Variants in SHLD3 observed in about 807,000 individuals in gnomAD.
The protein encoded by SHLD3 is shieldin complex subunit 3, also known as REV7-interacting novel NHEJ regulator 1.
In SHLD3, 15 loss-of-function variants were observed where a neutral mutation model predicts 21.4. That is an observed-to-expected ratio of 0.70 (90% CI 0.47 to 1.08). SHLD3 has a LOEUF of 1.08. Ranked by LOEUF, SHLD3 falls within the 50% of genes least tolerant of loss-of-function variation. SHLD3 has a pLI of 0.00. For synonymous variants in SHLD3, 103 were observed against 97.2 expected, an observed-to-expected ratio of 1.06 and a Z score of -0.35; for missense variants, 273 against 286.1, an observed-to-expected ratio of 0.95 and a Z score of 0.33.
rs1201523667 is a variant in SHLD3 at position 65,628,584 on chromosome 5, C to T, written c.-120-884C>T. Among the ~76,000 whole-genome samples the T allele has an allele frequency of 3.3e-5, 5 of 151,574 alleles. No homozygotes were observed. The East Asian group carries it at 9.7e-4, about 29-fold the overall frequency. On this transcript the variant is annotated intron_variant, in intron 1 of 1. Coordinates refer to ENST00000510585, the MANE Select transcript of SHLD3 (RefSeq NM_001365341.2). ...CCTCCCGGGTTCAAGCGATTCTCCT[C>T]CCTCAGCCTCCTGAGTAGCTGGGAT...
chr5:65,627,150 A>AAAAAAAAAAAAAAAAAAAAAAAAC (rs1755279062), intron 1 of SHLD3, among the ~76,000 whole-genome samples: 1 of 149,914 alleles, frequency 6.7e-6, no homozygotes, highest in Non-Finnish European at 1.5e-5. Flanking sequence ...AAAAAAAAAA[A>AAAAAAAAAAAAAAAAAAAAAAAAC]AAAAAAAGAA....
intron 1 of SHLD3, among the ~76,000 whole-genome samples, chr5:65,629,005 A>G (rs1755395615): frequency 6.6e-6 from 1 of 152,044 alleles, no homozygotes; most frequent in Non-Finnish European, 1.5e-5. Flanking sequence ...TATTTTGAGT[A>G]GAGATGGGTT....
chr5:65,625,176 A>T, intron 1 of SHLD3, 70 bp downstream of exon 1: 1 of 1,302,940 alleles, frequency 7.7e-7, no homozygotes, highest in Non-Finnish European at 1.1e-6. Context: ...AGCCTTTGCC[A>T]TGTAGGCCTC....
At chr5:65,629,376 GGTTTTTGTTTTTT>G in intron 1 of SHLD3, 79 bp from the exon 2 acceptor site, 9 of 939,288 alleles carry the variant, frequency 9.6e-6, no homozygotes, top group African/African-American at 1.7e-5. Flanking sequence ...CATTGGGATT[GGTTTTTGTTTTTT>G]GTTTTTCCTT....
intron 1 of SHLD3, among the ~76,000 whole-genome samples, chr5:65,628,553 C>A (rs966507741): frequency 1.3e-5 from 2 of 150,882 alleles, no homozygotes; most frequent in South Asian, 2.1e-4. Flanking sequence ...TCACTGCAAA[C>A]CTCAACCTCC....
intron 1 of SHLD3, among the ~76,000 whole-genome samples, chr5:65,627,190 C>A (rs1308516217): frequency 7.0e-6 from 1 of 142,930 alleles, no homozygotes; most frequent in African/African-American, 2.6e-5. Context: ...ACAAGTGCTT[C>A]AAAATTGACT....
intron 1 of SHLD3, among the ~76,000 whole-genome samples, 151 bp from the exon 2 acceptor site, chr5:65,629,317 G>A (rs1257164914): frequency 1.3e-5 from 2 of 152,136 alleles, no homozygotes; most frequent in African/African-American, 4.8e-5. Context: ...GAATTTTCAG[G>A]TTTGTAGATT....
At chr5:65,626,571 A>G (rs1229526645) in intron 1 of SHLD3, among the ~76,000 whole-genome samples, 1 of 152,054 alleles carries the variant, frequency 6.6e-6, no homozygotes, top group Non-Finnish European at 1.5e-5. Context: ...CCCCGTCTCT[A>G]TAAAAATACA....
intron 1 of SHLD3, among the ~76,000 whole-genome samples, chr5:65,627,067 G>A (rs1755267996): frequency 6.9e-6 from 1 of 144,686 alleles, no homozygotes; most frequent in Admixed American, 7.1e-5. Flanking sequence ...GGGAGGCAGA[G>A]GCTGCAGTGA....
chr5:65,626,008 T>C (rs1755209198), intron 1 of SHLD3: 1 of 152,242 alleles, frequency 6.6e-6, no homozygotes, highest in Admixed American at 6.5e-5. Flanking sequence ...TCTCATATAA[T>C]GATGCCTGTG....
chr5:65,630,408 A>C lies in SHLD3; in HGVS notation c.*68A>C, dbSNP rs1258595207. On this transcript the variant is annotated 3_prime_UTR_variant, in exon 2 of 2. Coordinates refer to ENST00000510585, the MANE Select transcript of SHLD3 (RefSeq NM_001365341.2). ...AATATGGATTGAAATAGATAAAATA[A>C]TTTTTACAGGTTTTAAAATTTTTAA... 2 of 1,402,130 alleles carry C rather than the reference A, an allele frequency of 1.4e-6. No individual in the cohort carries two copies. The highest frequency in any genetic ancestry group is 1.8e-6 in the Non-Finnish European group (2 of 1,083,406). 86.9% of individuals were successfully genotyped at this position (1,402,130 alleles called of 1,614,324 possible).
In SHLD3 at chr5:65,629,606, T is replaced by A; in HGVS notation, c.19T>A (p.Leu7Ile). ...CTGCAGAATGACTACAGAAGTAATA[T>A]TACATTATCGACCATGTGAGAGTGA... MTTEVILHYRPCESDPT... is the reference protein window; with the variant it reads MTTEVIIHYRPCESDPT... The change falls in exon 2 of 2, where the codon TTA becomes ATA. Residue 7 changes from leucine (L) to isoleucine (I), a missense_variant. Leu to Ile is a conservative substitution (Grantham distance 5). Transcript: ENST00000510585. 6.5e-7 allele frequency: 1 copy of A among 1,533,324 alleles called. No homozygotes were observed. The highest frequency in any genetic ancestry group is 2.4e-5 in the East Asian group (1 of 40,888). 95.0% of individuals were successfully genotyped at this position (1,533,324 alleles called of 1,614,324 possible).
chr5:65,625,335 C>A, intron 1 of SHLD3: 1 of 455,420 alleles, frequency 2.2e-6, no homozygotes, highest in Admixed American at 4.1e-5. Context: ...CTGATCTGTG[C>A]TGCTTCAGTC....
At chr5:65,628,758 A>G (rs1179180429) in intron 1 of SHLD3, among the ~76,000 whole-genome samples, 1 of 151,946 alleles carries the variant, frequency 6.6e-6, no homozygotes, top group Non-Finnish European at 1.5e-5. Flanking sequence ...GGCATGAGCC[A>G]CCGCACCTGG....
At chr5:65,627,856 T>G (rs1319099624) in intron 1 of SHLD3, among the ~76,000 whole-genome samples, 1 of 152,184 alleles carries the variant, frequency 6.6e-6, no homozygotes, top group Non-Finnish European at 1.5e-5. Flanking sequence ...GATCTGTTAG[T>G]GGGCAGTATC....
Position 65,630,358 on chromosome 5 carries a change from C to A in SHLD3, c.*18C>A. 1.4e-6 allele frequency: 2 copies of A among 1,467,130 alleles called. No homozygotes were observed. Among genetic ancestry groups the A allele is most frequent in the South Asian group, 2.8e-5 (2 of 72,676 alleles). The allele number at this position is 1,467,130 out of a possible 1,614,324, so 90.9% of individuals were successfully genotyped here. ...GTATGTAATGAATTCCACTGATTGT[C>A]AAAAAGAATATTCTGAATGAAATGA... On this transcript the variant is annotated 3_prime_UTR_variant, in exon 2 of 2. Transcript: ENST00000510585.
rs192136031 is a variant in SHLD3 at position 65,629,965 on chromosome 5, G to A, written c.378G>A (p.Gln126=). Reference sequence around the variant, plus strand: ...GTAAACAATCAGAAAAGGGAAAACAGCACAAGAGGAGATCTTGGAGTATTT... The same window carrying A: ...GTAAACAATCAGAAAAGGGAAAACAACACAAGAGGAGATCTTGGAGTATTT... ...NLGKQSEKGK[Q]HKRRSWSISL... The change falls in exon 2 of 2, where the codon CAG becomes CAA. Residue 126 remains glutamine (Q), a synonymous_variant. Transcript: ENST00000510585. 1.7e-3 allele frequency: 2,686 copies of A among 1,536,064 alleles called. 7 individuals carry two copies. Among genetic ancestry groups the A allele is most frequent in the Non-Finnish European group, 2.2e-3 (2,549 of 1,146,862 alleles).
intron 1 of SHLD3, among the ~76,000 whole-genome samples, chr5:65,627,561 C>G (rs1053627439): frequency 6.6e-6 from 1 of 150,788 alleles, no homozygotes; most frequent in African/African-American, 2.4e-5. Flanking sequence ...CCCTGGGAGG[C>G]GAAGGTTGCT....
rs1259837829 is a variant in SHLD3, at chr5:65,630,683, A to G, written c.*343A>G. 4.0e-6 allele frequency: 4 copies of G among 1,000,502 alleles called. No individual in the cohort carries two copies. The highest frequency in any genetic ancestry group is 4.8e-6 in the Non-Finnish European group (4 of 838,354). 62.0% of individuals were successfully genotyped at this position (1,000,502 alleles called of 1,614,324 possible). On this transcript the variant is annotated 3_prime_UTR_variant, in exon 2 of 2. Transcript: ENST00000510585. Reference sequence around the variant, plus strand: ...CTTACCTCAAGTGTAATTTTTTAAAAAATAAAACTCGAAACAATTCTCTTT... The same window carrying G: ...CTTACCTCAAGTGTAATTTTTTAAAGAATAAAACTCGAAACAATTCTCTTT...
Sources: allele counts gnomAD v4.1 joint callset (sites outside exome capture counted in the v4.1 genomes callset), GRCh38; gene constraint gnomAD v4.1.1; transcripts MANE v1.5; gene names NCBI Gene and HGNC (gene_info 2026-07-23, HGNC 2026-07-21).